The following HS6ST2 variants were observed in gnomAD, a reference collection of about 807,000 sequenced individuals.
HS6ST2 encodes heparan-sulfate 6-O-sulfotransferase 2.
Under a neutral mutation model 33.0 loss-of-function variants are expected in HS6ST2, and 17 were observed. The observed-to-expected ratio is 0.52, with a 90% CI of 0.35 to 0.77. The LOEUF (loss-of-function observed/expected upper bound fraction) is 0.77. Among genes scored for constraint, HS6ST2 ranks in the 30% least tolerant of loss-of-function variants. HS6ST2 has a pLI of 0.01. For synonymous variants in HS6ST2, 248 were observed against 237.1 expected (o/e 1.05, Z -0.42); for missense variants, 519 against 551.7 (o/e 0.94, Z 0.59).
chrX:132,854,450 C>T (rs2065833309), intron 2 of HS6ST2, among the ~76,000 whole-genome samples: 3 of 112,508 alleles, frequency 2.7e-5, no homozygotes, highest in East Asian at 2.8e-4. Context: ...TGTACTTCAA[C>T]GCCTTCACCT....
At chrX:132,686,724 A>G (rs892278497) in intron 3 of HS6ST2, among the ~76,000 whole-genome samples, 6 of 111,707 alleles carry the variant, frequency 5.4e-5, no homozygotes, top group Middle Eastern at 4.6e-3. Context: ...CAGAGTCATG[A>G]TGCTTATAAG....
At chrX:132,754,247 T>C (rs1002598937) in intron 2 of HS6ST2, among the ~76,000 whole-genome samples, 3 of 110,532 alleles carry the variant, frequency 2.7e-5, no homozygotes, top group African/African-American at 9.9e-5. Flanking sequence ...TTATGGATTA[T>C]AGGGAAGAAG....
intron 3 of HS6ST2, among the ~76,000 whole-genome samples, chrX:132,677,069 T>C (rs2063928620): frequency 8.9e-6 from 1 of 112,206 alleles, no homozygotes; most frequent in East Asian, 2.8e-4. Context: ...CCCGAAGTTC[T>C]ATTTACTGAA....
intron 2 of HS6ST2, among the ~76,000 whole-genome samples, chrX:132,833,761 CT>C (rs1238291305): frequency 0.018 from 1,804 of 97,795 alleles, 8 homozygotes; most frequent in South Asian, 0.064. Context: ...ACGGCCAGAT[CT>C]TTTTTTTTTT....
At chrX:132,723,113 C>G (rs2064351858) in intron 2 of HS6ST2, among the ~76,000 whole-genome samples, 1 of 110,935 alleles carries the variant, frequency 9.0e-6, no homozygotes, top group African/African-American at 3.3e-5. Context: ...TACAACCTAC[C>G]AAGACTGAAC....
At chrX:132,951,720 C>T (rs1400617558) in intron 2 of HS6ST2, among the ~76,000 whole-genome samples, 1 of 111,503 alleles carries the variant, frequency 9.0e-6, no homozygotes, top group Non-Finnish European at 1.9e-5. Flanking sequence ...GCTCTAATCT[C>T]CCCACAACTG....
At chrX:132,733,637 T>C (rs976820083) in intron 2 of HS6ST2, among the ~76,000 whole-genome samples, 1 of 111,368 alleles carries the variant, frequency 9.0e-6, no homozygotes, top group African/African-American at 3.3e-5. Context: ...GTTAAGACCA[T>C]AGGATTCAGA....
chrX:132,917,459 G>T (rs1196586819), intron 2 of HS6ST2, among the ~76,000 whole-genome samples: 2 of 110,820 alleles, frequency 1.8e-5, no homozygotes, highest in Non-Finnish European at 3.8e-5. Context: ...AATTAGCGGG[G>T]CATGGTGGTG....
At chrX:132,862,274 T>C (rs1323085167) in intron 2 of HS6ST2, among the ~76,000 whole-genome samples, 1 of 112,267 alleles carries the variant, frequency 8.9e-6, no homozygotes, top group African/African-American at 3.2e-5. Context: ...GCTGTTTTAA[T>C]GACTGTTGTC....
chrX:132,800,748 T>C (rs2065226831), intron 2 of HS6ST2, among the ~76,000 whole-genome samples: 1 of 111,816 alleles, frequency 8.9e-6, no homozygotes, highest in African/African-American at 3.3e-5. Context: ...TTTGGTTTTG[T>C]GCCCCCACCC....
At chrX:132,882,503 T>C (rs1338082272) in intron 2 of HS6ST2, among the ~76,000 whole-genome samples, 2 of 103,309 alleles carry the variant, frequency 1.9e-5, no homozygotes, top group African/African-American at 7.3e-5. Flanking sequence ...TGAAGTTGCT[T>C]ATGAGCTTAA....
chrX:132,958,541 G>T lies in HS6ST2; in HGVS notation c.62C>A (p.Ala21Glu). ...FEPPRQPERG[A>E]PVRTTCPRRH... is the part of the protein sequence containing the mutation. Reference sequence around the variant, plus strand: ...GCGGGGACAGGTGGTGCGGACGGGCGCTCCTCGCTCCGGTTGCCGCGGCGG... The same window carrying T: ...GCGGGGACAGGTGGTGCGGACGGGCTCTCCTCGCTCCGGTTGCCGCGGCGG... Residue 21 changes from alanine (A) to glutamate (E), a missense_variant, in exon 1 of 5, where the codon GCG becomes GAG. By Grantham distance (107) the Ala-to-Glu change is moderately radical. Coordinates refer to ENST00000370833, the MANE Select transcript of HS6ST2 (RefSeq NM_001394073.1). 2 of 1,183,179 alleles carry T rather than the reference G, an allele frequency of 1.7e-6. No individual in the cohort carries two copies. Among genetic ancestry groups the T allele is most frequent in the South Asian group, 1.9e-5 (1 of 53,684 alleles).
intron 3 of HS6ST2, among the ~76,000 whole-genome samples, chrX:132,682,934 C>T (rs1448133909): frequency 6.4e-5 from 7 of 109,709 alleles, no homozygotes; most frequent in East Asian, 2.9e-4. Flanking sequence ...AGTGAGGGCT[C>T]GTCTCTAAAT....
intron 2 of HS6ST2, among the ~76,000 whole-genome samples, chrX:132,759,978 CACATGGCTAATAAGTAAAG>C (rs769196843): frequency 8.1e-5 from 9 of 111,775 alleles, no homozygotes; most frequent in Non-Finnish European, 1.3e-4. Context: ...TCCTCAAGGT[CACATGGCTAATAAGTAAAG>C]ACATGGCTCC....
At chrX:132,797,970 G>A (rs1363026330) in intron 2 of HS6ST2, among the ~76,000 whole-genome samples, 2 of 99,390 alleles carry the variant, frequency 2.0e-5, no homozygotes, top group Non-Finnish European at 4.0e-5. Context: ...CCCAGATCGC[G>A]CCTCTGCACT....
intron 3 of HS6ST2, among the ~76,000 whole-genome samples, chrX:132,701,155 T>C (rs1304144037): frequency 1.8e-5 from 2 of 112,524 alleles, no homozygotes; most frequent in East Asian, 2.8e-4. Flanking sequence ...ACTAATTAGC[T>C]GCACGTACTT....
chrX:132,692,431 G>A (rs2064073291), intron 3 of HS6ST2, among the ~76,000 whole-genome samples: 1 of 110,758 alleles, frequency 9.0e-6, no homozygotes, highest in South Asian at 4.0e-4. Flanking sequence ...ATTATCTTTG[G>A]AAGAAACAGC....
At chrX:132,684,254 T>C (rs994422053) in intron 3 of HS6ST2, among the ~76,000 whole-genome samples, 8 of 101,345 alleles carry the variant, frequency 7.9e-5, no homozygotes, top group East Asian at 3.0e-4. Flanking sequence ...CACACACACA[T>C]ATATATGTAT....
rs2063836460 is a variant in HS6ST2, at chrX:132,669,160, G to A, written c.1020C>T (p.Ala340=). ...GGGTCTTTGTGGATGACGGAGAGTT[G>A]GCGCCTGCGTTAGTGTTTGGAGAAC... ...KRGSPNTNAG[A]NSPSSTKTRN... Residue 340 remains alanine (A), a synonymous_variant, in exon 4 of 5, where the codon GCC becomes GCT. Coordinates refer to ENST00000370833, the MANE Select transcript of HS6ST2 (RefSeq NM_001394073.1). 1 of 1,209,206 alleles carries A rather than the reference G, an allele frequency of 8.3e-7. No individual in the cohort carries two copies. The highest frequency in any genetic ancestry group is 3.0e-5 in the East Asian group (1 of 33,750).
Sources: gnomAD v4.1 joint callset for allele counts (sites outside exome capture counted in the v4.1 genomes callset) on GRCh38, gnomAD v4.1.1 for gene constraint, MANE v1.5 for transcripts, NCBI Gene and HGNC (gene_info 2026-07-23, HGNC 2026-07-21) for gene names.